The following EDA variants were observed in gnomAD, a reference collection of about 807,000 sequenced individuals.
EDA encodes ectodysplasin A.
In EDA, 2 loss-of-function variants were observed where a neutral mutation model predicts 23.6. The ratio of observed to expected loss-of-function variants is 0.08; its 90% CI spans 0.03 to 0.27. The LOEUF (loss-of-function observed/expected upper bound fraction) is 0.27, where lower values mean the gene tolerates loss of function less well. Ranked by LOEUF, EDA falls within the 10% of genes least tolerant of loss-of-function variation. EDA has a pLI of 1.00. For synonymous variants in EDA, 131 were observed against 132.0 expected (o/e 0.99, Z 0.05); for missense variants, 229 against 324.2 (o/e 0.71, Z 2.26).
chrX:69,729,677 A>G (rs1054622190), intron 1 of EDA, among the ~76,000 whole-genome samples: 2 of 111,868 alleles, frequency 1.8e-5, no homozygotes, highest in African/African-American at 6.5e-5. Flanking sequence ...TCAACAGTCC[A>G]GTATGTTCTA....
intron 1 of EDA, among the ~76,000 whole-genome samples, chrX:69,742,198 G>A (rs2013479328): frequency 9.0e-6 from 1 of 111,701 alleles, no homozygotes; most frequent in Non-Finnish European, 1.9e-5. Flanking sequence ...CCTACAAGTG[G>A]TAAGTGTGTA....
At chrX:69,698,256 A>G (rs921884886) in intron 1 of EDA, among the ~76,000 whole-genome samples, 1 of 111,694 alleles carries the variant, frequency 9.0e-6, no homozygotes, top group Non-Finnish European at 1.9e-5. Context: ...TTTTGGAGGA[A>G]GGAGTATCCT....
chrX:69,677,287 A>C (rs1324100680), intron 1 of EDA, among the ~76,000 whole-genome samples: 1 of 108,014 alleles, frequency 9.3e-6, no homozygotes, highest in Non-Finnish European at 1.9e-5. Context: ...CGCAATAAAC[A>C]TACGTGTGCA....
intron 1 of EDA, among the ~76,000 whole-genome samples, chrX:69,912,192 A>G (rs1474087154): frequency 8.9e-6 from 1 of 111,824 alleles, no homozygotes; most frequent in East Asian, 2.8e-4. Context: ...GGCTTCAGTT[A>G]TAATTCTAGA....
chrX:69,623,209 G>A (rs1367444709), intron 1 of EDA, among the ~76,000 whole-genome samples: 3 of 111,998 alleles, frequency 2.7e-5, no homozygotes, highest in East Asian at 2.8e-4. Context: ...AAAAAGAAAC[G>A]TGCTGAGATT....
intron 2 of EDA, among the ~76,000 whole-genome samples, chrX:69,984,012 G>A (rs1225482368): frequency 0.024 from 2,366 of 96,907 alleles, 36 homozygotes; most frequent in Non-Finnish European, 0.038. Flanking sequence ...ACCTGCTCCT[G>A]AATGACTACT....
chrX:70,029,476 C>A (rs768962573), intron 4 of EDA, 28 bp from the exon 5 acceptor site: 1 of 1,210,242 alleles, frequency 8.3e-7, no homozygotes, highest in Non-Finnish European at 1.1e-6. Flanking sequence ...AAGATTATGC[C>A]CTCTGATTGT....
intron 1 of EDA, among the ~76,000 whole-genome samples, chrX:69,647,142 A>G (rs192784021): frequency 8.8e-4 from 97 of 110,098 alleles, no homozygotes; most frequent in African/African-American, 3.0e-3. Context: ...TTTTATTTCA[A>G]CCTTGCAGAA....
rs1169896445 is a variant in EDA at position 69,954,277 on chromosome X, CT to C, written c.397-2745del. 1.8e-5 allele frequency among the ~76,000 whole-genome samples: 2 copies of C among 111,009 alleles called. 1 individual carries two copies. The highest frequency in any genetic ancestry group is 3.8e-5 in the Non-Finnish European group (2 of 52,994). ...CTCTGAACCTTTAAGCACAGCACTCCTTTTTCCTGGAATTCCTTTTCCATTT... is the reference window on the plus strand; with the variant it reads ...CTCTGAACCTTTAAGCACAGCACTCCTTTTCCTGGAATTCCTTTTCCATTT... On this transcript the variant is annotated intron_variant, in intron 1 of 7. Coordinates refer to ENST00000374552, the MANE Select transcript of EDA (RefSeq NM_001399.5).
intron 2 of EDA, among the ~76,000 whole-genome samples, chrX:69,957,958 G>C (rs943135006): frequency 1.8e-5 from 2 of 112,028 alleles, no homozygotes; most frequent in Non-Finnish European, 1.9e-5. Context: ...TATAAGCCTA[G>C]AATCTAGCCT....
At chrX:69,967,439 G>T (rs1288849715) in intron 2 of EDA, among the ~76,000 whole-genome samples, 1 of 111,465 alleles carries the variant, frequency 9.0e-6, no homozygotes, top group Non-Finnish European at 1.9e-5. Flanking sequence ...GTGTGGTTTT[G>T]GACAGGTTGA....
intron 1 of EDA, among the ~76,000 whole-genome samples, chrX:69,769,463 G>T (rs889414367): frequency 9.0e-6 from 1 of 110,923 alleles, no homozygotes; most frequent in Non-Finnish European, 1.9e-5. Flanking sequence ...TTTTAATTCC[G>T]TCTGACAGTC....
rs1050182878 is a variant in EDA at position 69,902,122 on chromosome X, A to G, written c.397-54905A>G. Among the ~76,000 whole-genome samples the G allele has an allele frequency of 3.6e-5, 4 of 111,955 alleles. No homozygotes were observed. In the East Asian group the frequency reaches 1.1e-3, roughly 31 times the overall value. ...ATTTGGTACATAGTTCTAGCATTTG[A>G]GTTGAATTCAGAATTGTAATGTTAT... On this transcript the variant is annotated intron_variant, in intron 1 of 7. Coordinates refer to ENST00000374552, the MANE Select transcript of EDA (RefSeq NM_001399.5).
chrX:69,703,515 C>T (rs140044193), intron 1 of EDA, among the ~76,000 whole-genome samples: 1,764 of 112,325 alleles, frequency 0.016, 31 homozygotes, highest in African/African-American at 0.055. Flanking sequence ...TGGAGCAATA[C>T]GCTGTTTTAA....
At chrX:69,949,349 C>T (rs750965646) in intron 1 of EDA, among the ~76,000 whole-genome samples, 3 of 111,451 alleles carry the variant, frequency 2.7e-5, no homozygotes, top group Non-Finnish European at 5.7e-5. Flanking sequence ...GGTAATGAAC[C>T]GATTGATAAA....
chrX:69,827,391 G>A (rs1473109219), intron 1 of EDA, among the ~76,000 whole-genome samples: 1 of 111,520 alleles, frequency 9.0e-6, no homozygotes, highest in East Asian at 2.8e-4. Context: ...TGCAGGCTTT[G>A]CTCGTTTCTT....
chrX:69,764,089 G>T (rs2014392732), intron 1 of EDA, among the ~76,000 whole-genome samples: 1 of 109,140 alleles, frequency 9.2e-6, no homozygotes, highest in Admixed American at 9.9e-5. Flanking sequence ...AATTAGATTA[G>T]AACAAAGGAA....
chrX:69,768,206 A>G (rs1325944537), intron 1 of EDA, among the ~76,000 whole-genome samples: 2 of 111,567 alleles, frequency 1.8e-5, no homozygotes, highest in Non-Finnish European at 1.9e-5. Context: ...ATGAAATCCA[A>G]TGTAATGATT....
At chrX:69,618,009 A>G (rs1932044433) in intron 1 of EDA, among the ~76,000 whole-genome samples, 1 of 111,454 alleles carries the variant, frequency 9.0e-6, no homozygotes, top group East Asian at 2.8e-4. Context: ...ATAACAGCTT[A>G]TCAAAGAAGA....
Sources: gnomAD v4.1 joint callset for allele counts (sites outside exome capture counted in the v4.1 genomes callset) on GRCh38, gnomAD v4.1.1 for gene constraint, MANE v1.5 for transcripts, NCBI Gene and HGNC (gene_info 2026-07-23, HGNC 2026-07-21) for gene names.